Variants in MTAP observed in about 807,000 individuals in gnomAD.
The protein encoded by MTAP is methylthioadenosine phosphorylase.
In MTAP, 33 loss-of-function variants were observed where a neutral mutation model predicts 33.6. The observed-to-expected ratio is 0.98, with a 90% CI of 0.74 to 1.31. The LOEUF is 1.31. MTAP is among the 40% of genes most tolerant of loss of function. The pLI is 0.00. For missense variants in MTAP, 367 were observed against 360.0 expected, an observed-to-expected ratio of 1.02 and a Z score of -0.16; for synonymous variants, 148 against 125.7, an observed-to-expected ratio of 1.18 and a Z score of -1.19.
intron 1 of MTAP, among the ~76,000 whole-genome samples, chr9:21,909,486 C>G (rs926282435): frequency 3.3e-5 from 5 of 152,092 alleles, no homozygotes; most frequent in African/African-American, 4.8e-5. Context: ...CAAATTTAAT[C>G]TTCATGCATT....
At position 21,863,842 on chromosome 9, in the gene MTAP, C is replaced by T; in HGVS notation, c.*1828C>T. The T allele has an allele frequency of 1.0e-6, 1 of 985,756 alleles. No homozygotes were observed. Among genetic ancestry groups the T allele is most frequent in the Non-Finnish European group, 1.2e-6 (1 of 829,920 alleles). 61.1% of individuals were successfully genotyped at this position (985,756 alleles called of 1,614,324 possible). A position where few individuals can be genotyped will look rare whatever the true frequency, so the allele number is the denominator to read the frequency against. ...AATAAGCTGCTAATTGTAAACAAAA[C>T]AGTTACCCTCCAGTATTAATATGAC... On this transcript the variant is annotated 3_prime_UTR_variant, in exon 8 of 8. Transcript: ENST00000644715.
chr9:21,837,989 G>T lies in MTAP; in HGVS notation c.429G>T (p.Pro143=), dbSNP rs751428352. The change falls in exon 5 of 8, where the codon CCG becomes CCT. Residue 143 remains proline (P), a synonymous_variant. Coordinates refer to ENST00000644715, the MANE Select transcript of MTAP (RefSeq NM_002451.4). ...RGVCHIPMAE[P]FCPKTREVLI... Reference sequence around the variant, plus strand: ...TGTGCCATATTCCAATGGCTGAGCCGTTTTGCCCCAAAACGAGAGAGGTGT... The same window carrying T: ...TGTGCCATATTCCAATGGCTGAGCCTTTTTGCCCCAAAACGAGAGAGGTGT... 1 of 1,613,948 alleles carries T rather than the reference G, an allele frequency of 6.2e-7. No homozygotes were observed. Among genetic ancestry groups the T allele is most frequent in the Non-Finnish European group, 8.5e-7 (1 of 1,179,882 alleles).
intron 4 of MTAP, among the ~76,000 whole-genome samples, chr9:21,823,148 T>C (rs1013888007): frequency 2.0e-5 from 3 of 152,250 alleles, no homozygotes; most frequent in Admixed American, 6.5e-5. Flanking sequence ...AATATTGTTA[T>C]GTGTGAATTT....
intron 1 of MTAP, chr9:21,803,006 A>G (rs1824099228): frequency 9.5e-7 from 1 of 1,055,636 alleles, no homozygotes; most frequent in Non-Finnish European, 1.3e-6. Flanking sequence ...ACACACACAC[A>G]CACACACACA....
rs117251960 is a variant in MTAP, at chr9:21,903,883, G to A, written c.148-27125G>A. On this transcript the variant is annotated intron_variant, in intron 1 of 1. Coordinates refer to the MTAP transcript ENST00000577563. ...CTTTTAGTTTAGCTGTCTGTAGGCG[G>A]CTTGTGTTAGCTCAAGTAGACCCCC... Among the ~76,000 whole-genome samples the A allele has an allele frequency of 5.7e-3, 866 of 152,304 alleles. 1 individual carries two copies. The highest frequency in any genetic ancestry group is 8.9e-3 in the Admixed American group (136 of 15,300).
At chr9:21,883,362 A>G (rs192171832) in intron 1 of MTAP, among the ~76,000 whole-genome samples, 38 of 152,256 alleles carry the variant, frequency 2.5e-4, no homozygotes, top group African/African-American at 8.2e-4. Flanking sequence ...TGAACAAAAA[A>G]TTAAGTATGA....
At chr9:21,819,079 G>A (rs977280949) in intron 4 of MTAP, among the ~76,000 whole-genome samples, 4 of 151,872 alleles carry the variant, frequency 2.6e-5, no homozygotes, top group African/African-American at 9.7e-5. Context: ...GCAATTGACA[G>A]AGTTGCGTTC....
intron 1 of MTAP, 155 bp downstream of exon 1, chr9:21,802,936 C>T: frequency 7.1e-7 from 1 of 1,416,238 alleles, no homozygotes; most frequent in Non-Finnish European, 9.1e-7. Context: ...GACTCACTTG[C>T]CGCGCGAGGA....
At chr9:21,840,461 A>G (rs542600092) in intron 5 of MTAP, among the ~76,000 whole-genome samples, 2 of 152,218 alleles carry the variant, frequency 1.3e-5, no homozygotes, top group Non-Finnish European at 2.9e-5. Context: ...CTCTGAATAC[A>G]CATCCCCACT....
intron 4 of MTAP, among the ~76,000 whole-genome samples, chr9:21,833,730 A>T (rs1324950452): frequency 6.6e-6 from 1 of 152,180 alleles, no homozygotes; most frequent in Non-Finnish European, 1.5e-5. Context: ...ATGTCCTCAG[A>T]GGTCGATGAT....
chr9:21,825,100 C>A (rs1426794372), intron 4 of MTAP, among the ~76,000 whole-genome samples: 3 of 152,136 alleles, frequency 2.0e-5, no homozygotes, highest in Non-Finnish European at 4.4e-5. Context: ...TGGGCTGCAC[C>A]CGCTCTCCGG....
chr9:21,896,470 A>C (rs575026461), intron 1 of MTAP, among the ~76,000 whole-genome samples: 165 of 152,196 alleles, frequency 1.1e-3, no homozygotes, highest in African/African-American at 3.8e-3. Flanking sequence ...AAAAGATCAA[A>C]AAAATTGATA....
At chr9:21,889,185 TTCTTTG>T (rs1033142237) in intron 1 of MTAP, among the ~76,000 whole-genome samples, 6 of 151,922 alleles carry the variant, frequency 3.9e-5, no homozygotes, top group African/African-American at 1.5e-4. Context: ...AAATTTTTTT[TTCTTTG>T]TCTTTGTCAG....
chr9:21,820,887 A>T (rs935179309), intron 4 of MTAP, among the ~76,000 whole-genome samples: 3 of 152,212 alleles, frequency 2.0e-5, no homozygotes, highest in African/African-American at 7.2e-5. Context: ...CTTTGAAGCA[A>T]TTGTGAATGT....
chr9:21,899,480 T>A (rs1268768049), intron 1 of MTAP, among the ~76,000 whole-genome samples: 1 of 151,526 alleles, frequency 6.6e-6, no homozygotes, highest in Non-Finnish European at 1.5e-5. Flanking sequence ...CTGCCCAAGA[T>A]TGGGTAATTT....
intron 1 of MTAP, among the ~76,000 whole-genome samples, chr9:21,915,144 G>C (rs1360259840): frequency 6.7e-6 from 1 of 150,208 alleles, no homozygotes; most frequent in Non-Finnish European, 1.5e-5. Context: ...GTGCAGTGGT[G>C]GGATCTTGGC....
chr9:21,832,058 T>C (rs532440922), intron 4 of MTAP, among the ~76,000 whole-genome samples: 18 of 152,234 alleles, frequency 1.2e-4, no homozygotes, highest in Non-Finnish European at 2.4e-4. Flanking sequence ...GGGTGTTGAA[T>C]TGATTCCTAA....
intron 6 of MTAP, chr9:21,856,340 T>C (rs1009363286): frequency 1.9e-5 from 4 of 211,986 alleles, no homozygotes; most frequent in African/African-American, 4.7e-5. Flanking sequence ...TTGTTTTTCA[T>C]GAATTCCTTA....
intron 4 of MTAP, among the ~76,000 whole-genome samples, chr9:21,827,246 C>G (rs935622762): frequency 2.0e-5 from 3 of 152,166 alleles, no homozygotes; most frequent in African/African-American, 7.2e-5. Flanking sequence ...CCACAATCCC[C>G]CATCCAATCA....
Sources: gnomAD v4.1 joint callset for allele counts (sites outside exome capture counted in the v4.1 genomes callset) on GRCh38, gnomAD v4.1.1 for gene constraint, MANE v1.5 for transcripts, NCBI Gene and HGNC (gene_info 2026-07-23, HGNC 2026-07-21) for gene names.